Variants in CBY2 observed in about 807,000 individuals in gnomAD.
The protein encoded by CBY2 is protein chibby homolog 2.
A neutral mutation model predicts 25.3 loss-of-function variants in CBY2; 23 were observed. The ratio of observed to expected loss-of-function variants is 0.91; its 90% CI spans 0.65 to 1.29. CBY2 has a LOEUF of 1.29. Ranked by LOEUF, CBY2 falls within the 50% of genes most tolerant of loss-of-function variation. The probability of loss-of-function intolerance (pLI) is 0.00; values close to 1 mark genes in which losing one functional copy is unlikely to be tolerated. For missense variants in CBY2, 642 were observed against 590.7 expected (o/e 1.09, Z -0.90); for synonymous variants, 279 against 260.2 (o/e 1.07, Z -0.70).
rs1390321158 is a variant in CBY2, at chr13:45,703,458, T to A, written c.156+603T>A. 3.2e-6 allele frequency: 5 copies of A among 1,545,026 alleles called. No homozygotes were observed. The African/African-American group carries it at 6.9e-5, about 21-fold the overall frequency. On this transcript the variant is annotated intron_variant, in intron 2 of 2. Coordinates refer to ENST00000310521, the MANE Select transcript of CBY2 (RefSeq NM_152719.3). Reference sequence around the variant, plus strand: ...GTTTCCTTAGTGGAGTCCTCTTGATTGAATTGTTTCTACTGCTGCTATGTC... The same window carrying A: ...GTTTCCTTAGTGGAGTCCTCTTGATAGAATTGTTTCTACTGCTGCTATGTC...
At chr13:45,702,711 G>A (rs191758854) in intron 1 of CBY2, 64 bp from the exon 2 acceptor site, 19 of 1,318,538 alleles carry the variant, frequency 1.4e-5, no homozygotes, top group Non-Finnish European at 1.9e-5. Context: ...TTTTTTAGGC[G>A]AGCAATTGAG....
chr13:45,705,525 G>A (rs921621487), intron 2 of CBY2, among the ~76,000 whole-genome samples: 2 of 152,220 alleles, frequency 1.3e-5, no homozygotes, highest in Middle Eastern at 3.2e-3. Flanking sequence ...GATTTCAGGA[G>A]AGTCTCTGTT....
chr13:45,702,594 A>T, intron 1 of CBY2, 129 bp downstream of exon 1: 1 of 942,886 alleles, frequency 1.1e-6, no homozygotes. Flanking sequence ...CTGTTCAGAG[A>T]TTGATAAACC....
At position 45,707,738 on chromosome 13, in the gene CBY2, A is replaced by G. The variant is rs1450008877; in HGVS notation, c.156+4883A>G. Among the ~76,000 whole-genome samples the G allele has an allele frequency of 2.0e-5, 3 of 152,348 alleles. No homozygotes were observed. In the East Asian group the frequency reaches 5.8e-4, roughly 29 times the overall value. ...CACATGCAAAATAAAATGTCTGAGC[A>G]TTGTGAAGTGCTAGAATAAACATGG... On this transcript the variant is annotated intron_variant, in intron 2 of 2. Transcript: ENST00000310521.
At chr13:45,708,191 A>T (rs1390218497) in intron 2 of CBY2, among the ~76,000 whole-genome samples, 2 of 152,180 alleles carry the variant, frequency 1.3e-5, no homozygotes, top group Non-Finnish European at 2.9e-5. Context: ...GCCCTGATTC[A>T]TTCATGTCAA....
chr13:45,710,521 TCAAAA>T (rs924392153), intron 2 of CBY2, among the ~76,000 whole-genome samples: 5 of 152,088 alleles, frequency 3.3e-5, no homozygotes, highest in Non-Finnish European at 7.3e-5. Flanking sequence ...AGACTCCGTC[TCAAAA>T]CAACAACAAC....
intron 2 of CBY2, among the ~76,000 whole-genome samples, chr13:45,710,720 GA>G (rs1471399423): frequency 6.6e-6 from 1 of 152,208 alleles, no homozygotes; most frequent in East Asian, 1.9e-4. Flanking sequence ...TGAGAAATGT[GA>G]AAACCAGGGA....
intron 2 of CBY2, among the ~76,000 whole-genome samples, chr13:45,706,789 C>A (rs1361405958): frequency 1.3e-5 from 2 of 152,128 alleles, no homozygotes; most frequent in African/African-American, 4.8e-5. Context: ...TGAAACCAAT[C>A]CAGTGATACC....
chr13:45,710,033 G>T (rs1249712620), intron 2 of CBY2, among the ~76,000 whole-genome samples: 1 of 152,154 alleles, frequency 6.6e-6, no homozygotes, highest in African/African-American at 2.4e-5. Flanking sequence ...AGGATAAAAT[G>T]AATTTAGTAG....
chr13:45,702,508 G>A, intron 1 of CBY2, 43 bp downstream of exon 1: 1 of 1,548,218 alleles, frequency 6.5e-7, no homozygotes, highest in Non-Finnish European at 8.9e-7. Flanking sequence ...TCTTAGACAG[G>A]GAAGCAGGTA....
intron 2 of CBY2, among the ~76,000 whole-genome samples, chr13:45,710,735 T>C (rs1365623599): frequency 2.0e-5 from 3 of 152,224 alleles, no homozygotes; most frequent in African/African-American, 7.2e-5. Flanking sequence ...CCAGGGAGGC[T>C]GAACTTTTTT....
Position 45,714,318 on chromosome 13 carries a change from C to T in CBY2, c.1293C>T (p.Leu431=). 1 of 1,612,798 alleles carries T rather than the reference C, an allele frequency of 6.2e-7. No individual in the cohort carries two copies. The highest frequency in any genetic ancestry group is 8.5e-7 in the Non-Finnish European group (1 of 1,179,694). Residue 431 remains leucine, a synonymous_variant, in exon 3 of 3, where the codon CTC becomes CTT. Transcript: ENST00000310521. The stretch of plus-strand genomic sequence containing the variant: ...GCATGGAAATGCTCATCGAGGAGCT[C>T]TACGCCTTCATGCCGGCCAGGAGCC... ...TARMEMLIEE[L]YAFMPARSQD... is the part of the protein sequence containing the mutation.
intron 2 of CBY2, among the ~76,000 whole-genome samples, chr13:45,711,341 T>C (rs1207767511): frequency 1.3e-5 from 2 of 152,190 alleles, no homozygotes; most frequent in Non-Finnish European, 2.9e-5. Flanking sequence ...CACATATTAT[T>C]TCTATTTTAC....
chr13:45,702,469 T>A lies in CBY2; in HGVS notation c.75+4T>A, dbSNP rs1280809659. The A allele has an allele frequency of 6.2e-7, 1 of 1,612,304 alleles. No individual in the cohort carries two copies. Among genetic ancestry groups the A allele is most frequent in the South Asian group, 1.1e-5 (1 of 91,020 alleles). Reference sequence around the variant, plus strand: ...CTATACCTGGCAACTCACATTGGTATGGCTTTTTACTTGAGATAGAAATAA... The same window carrying A: ...CTATACCTGGCAACTCACATTGGTAAGGCTTTTTACTTGAGATAGAAATAA... On this transcript the variant is annotated splice_donor_region_variant and intron_variant, in intron 1 of 2. Coordinates refer to ENST00000310521, the MANE Select transcript of CBY2 (RefSeq NM_152719.3).
chr13:45,711,998 A>G (rs1318248585), intron 2 of CBY2, among the ~76,000 whole-genome samples: 2 of 152,158 alleles, frequency 1.3e-5, no homozygotes, highest in African/African-American at 2.4e-5. Flanking sequence ...AGCAGAAAAG[A>G]CTCAAGGGTG....
intron 2 of CBY2, among the ~76,000 whole-genome samples, chr13:45,711,240 CT>C (rs1593356675): frequency 6.6e-6 from 1 of 152,046 alleles, no homozygotes; most frequent in African/African-American, 2.4e-5. Flanking sequence ...ATAATAATAC[CT>C]TATGGTTCTT....
intron 2 of CBY2, among the ~76,000 whole-genome samples, chr13:45,710,462 G>T (rs902027692): frequency 2.0e-5 from 3 of 152,176 alleles, no homozygotes; most frequent in African/African-American, 7.2e-5. Flanking sequence ...GGCGGAGGTT[G>T]CAGTGAGCCG....
chr13:45,714,542 TG>T lies in CBY2; in HGVS notation c.*174del. ...AGTTTTAATAAAGGTGTGAGGAGGCTGGGGCCAGTTGACACCAGCATGCTGC... is the reference window on the plus strand; with the variant it reads ...AGTTTTAATAAAGGTGTGAGGAGGCTGGGCCAGTTGACACCAGCATGCTGC... On this transcript the variant is annotated 3_prime_UTR_variant, in exon 3 of 3. Coordinates refer to ENST00000310521, the MANE Select transcript of CBY2 (RefSeq NM_152719.3). 1 of 537,744 alleles carries T rather than the reference TG, an allele frequency of 1.9e-6. No individual in the cohort carries two copies. Among genetic ancestry groups the T allele is most frequent in the Non-Finnish European group, 3.2e-6 (1 of 309,450 alleles). The allele number at this position is 537,744 out of a possible 1,614,324, so 33.3% of individuals were successfully genotyped here.
Position 45,702,842 on chromosome 13 carries a change from T to C in CBY2, c.143T>C (p.Val48Ala), listed in dbSNP as rs1163987761. The change falls in exon 2 of 3, where the codon GTG becomes GCG. Residue 48 changes from valine to alanine, a missense_variant. Coordinates refer to ENST00000310521, the MANE Select transcript of CBY2 (RefSeq NM_152719.3). ...RSESLEIPISVVLPQRGTAEP... is the reference protein window; with the variant it reads ...RSESLEIPISAVLPQRGTAEP... ...GAAAGCCTAGAAATTCCAATCAGTG[T>C]GGTTCTACCTCAGGTAGGGATAATC... 2.5e-6 allele frequency: 4 copies of C among 1,612,848 alleles called. No homozygotes were observed. In the African/African-American group the frequency reaches 5.3e-5, roughly 22 times the overall value.
Sources: gnomAD v4.1 joint callset for allele counts (sites outside exome capture counted in the v4.1 genomes callset) on GRCh38, gnomAD v4.1.1 for gene constraint, MANE v1.5 for transcripts, NCBI Gene and HGNC (gene_info 2026-07-23, HGNC 2026-07-21) for gene names.